SLC34A1: variants seen among roughly 807,000 people sequenced by gnomAD.
SLC34A1 encodes the protein sodium-dependent phosphate transport protein 2A.
SLC34A1 carries 57 observed loss-of-function variants against 51.4 expected under a neutral mutation model. The observed-to-expected ratio is 1.11, with a 90% confidence interval of 0.90 to 1.38. The LOEUF is 1.38. Ranked by LOEUF, SLC34A1 falls within the 40% of genes most tolerant of loss-of-function variation. The probability of loss-of-function intolerance (pLI) is 0.00; values close to 1 mark genes in which losing one functional copy is unlikely to be tolerated. For synonymous variants in SLC34A1, 368 were observed against 358.0 expected, an observed-to-expected ratio of 1.03 and a Z score of -0.32; for missense variants, 796 against 835.6, an observed-to-expected ratio of 0.95 and a Z score of 0.58.
chr5:177,387,512 C>T lies in SLC34A1; in HGVS notation c.533-250C>T, dbSNP rs189045855. Among the ~76,000 whole-genome samples, 100 of 152,358 alleles carry T rather than the reference C, an allele frequency of 6.6e-4. 1 individual carries two copies. The South Asian group carries it at 7.5e-3, about 11-fold the overall frequency. ...ACGAGCCCTCATAACGAAGGCCTCACACGCACACACGTTCACATCCATACA... is the reference window on the plus strand; with the variant it reads ...ACGAGCCCTCATAACGAAGGCCTCATACGCACACACGTTCACATCCATACA... On this transcript the variant is annotated intron_variant, in intron 5 of 12. Coordinates refer to ENST00000324417, the MANE Select transcript of SLC34A1 (RefSeq NM_003052.5).
At position 177,386,296 on chromosome 5, in the gene SLC34A1, A is replaced by G; in HGVS notation, c.335A>G (p.Tyr112Cys). ...LKVPLMLTFL[Y>C]LFVCSLDMLS... ...GTGCCACTGATGCTCACCTTCCTCT[A>G]CCTCTTCGTCTGCTCCCTGGACATG... Residue 112 changes from tyrosine (Y) to cysteine (C), a missense_variant, in exon 4 of 13, where the codon TAC (tyrosine) becomes TGC (cysteine). Tyr to Cys is a radical substitution (Grantham distance 194, BLOSUM62 -2). Transcript: ENST00000324417. This position sits in a 1 kb window ranked among gnomAD's most constrained non-coding sequence, Gnocchi z 4.8. 1 of 1,613,682 alleles carries G rather than the reference A, an allele frequency of 6.2e-7. No individual in the cohort carries two copies. Among genetic ancestry groups the G allele is most frequent in the Non-Finnish European group, 8.5e-7 (1 of 1,179,888 alleles).
At position 177,398,293 on chromosome 5, in the gene SLC34A1, G is replaced by A. The variant is rs766163401; in HGVS notation, c.*7G>A. 6.9e-6 allele frequency: 11 copies of A among 1,599,340 alleles called. No individual in the cohort carries two copies. The highest frequency in any genetic ancestry group is 5.0e-5 in the Admixed American group (3 of 60,022). ...CAATGCCACCCGCCTCTAGGCTGTG[G>A]GCCCAGACTACAGCCTGGAATGGGG... is the stretch of plus-strand genomic sequence containing the variant. On this transcript the variant is annotated 3_prime_UTR_variant, in exon 13 of 13. Coordinates refer to ENST00000324417, the MANE Select transcript of SLC34A1 (RefSeq NM_003052.5). The surrounding 1 kb of genome is among the most constrained non-coding windows in gnomAD (Gnocchi z 4.7).
chr5:177,386,149 T>C lies in SLC34A1; in HGVS notation c.259+13T>C, dbSNP rs1405643897. ...GAGCAGAAGCCAGGTGGGCCTGGGC[T>C]GGGGGTGGCAGAGGCGGCAGCAGTC... On this transcript the variant is annotated intron_variant, in intron 3 of 12. Coordinates refer to ENST00000324417, the MANE Select transcript of SLC34A1 (RefSeq NM_003052.5). This position sits in a 1 kb window ranked among gnomAD's most constrained non-coding sequence, Gnocchi z 4.8. 1.5e-5 allele frequency: 24 copies of C among 1,613,820 alleles called. No homozygotes were observed. Among genetic ancestry groups the C allele is most frequent in the Non-Finnish European group, 1.9e-5 (23 of 1,179,878 alleles).
At position 177,386,514 on chromosome 5, in the gene SLC34A1, G is replaced by A; in HGVS notation, c.480G>A (p.Val160=). The A allele has an allele frequency of 6.2e-7, 1 of 1,614,202 alleles. No individual in the cohort carries two copies. The highest frequency in any genetic ancestry group is 8.5e-7 in the Non-Finnish European group (1 of 1,180,028). The change falls in exon 5 of 13, where the codon GTG becomes GTA. Residue 160 remains valine, a synonymous_variant. Transcript: ENST00000324417. The surrounding 1 kb of genome is among the most constrained non-coding windows in gnomAD (Gnocchi z 4.8). The part of the protein sequence containing the change: ...LVVGILVTVL[V]QSSSTSTSII... ...TGGGGATCCTGGTGACCGTGCTGGT[G>A]CAGAGCTCCAGCACCTCCACATCCA...
Position 177,394,162 on chromosome 5 carries a change from G to A in SLC34A1, c.1141G>A (p.Val381Met), listed in dbSNP as rs566144365. The A allele has an allele frequency of 2.5e-6, 4 of 1,614,070 alleles. No individual in the cohort carries two copies. Among genetic ancestry groups the A allele is most frequent in the South Asian group, 1.1e-5 (1 of 91,088 alleles). Residue 381 changes from valine (V) to methionine (M), a missense_variant, in exon 10 of 13, where the codon GTG becomes ATG. By Grantham distance (21) the Val-to-Met change is conservative (BLOSUM62 1). Coordinates refer to ENST00000324417, the MANE Select transcript of SLC34A1 (RefSeq NM_003052.5). Reference protein sequence around the residue: ...KMLNSLLKGQVAKVIQKVINT... With the variant: ...KMLNSLLKGQMAKVIQKVINT... ...GCTCAACTCCCTGCTCAAGGGCCAA[G>A]TGGCCAAGGTCATCCAGAAGGTCAT...
chr5:177,385,936 C>T, intron 2 of SLC34A1, 51 bp from the exon 3 acceptor site: 1 of 1,610,310 alleles, frequency 6.2e-7, no homozygotes, highest in South Asian at 1.1e-5. Context: ...CTGTTCCTCC[C>T]CGCCTCCCCA....
intron 8 of SLC34A1, among the ~76,000 whole-genome samples, chr5:177,389,470 G>A (rs1338457305): frequency 6.6e-6 from 1 of 151,826 alleles, no homozygotes; most frequent in African/African-American, 2.4e-5. Flanking sequence ...ATCTGAAGTT[G>A]CTCCAGCTCA....
chr5:177,398,370 T>A lies in SLC34A1; in HGVS notation c.*84T>A. ...GGGAGGGTGTGTGTAGGTATGTGCA[T>A]GTGCCTGTGCCACCCTGGGTGCCAG... On this transcript the variant is annotated 3_prime_UTR_variant, in exon 13 of 13. Transcript: ENST00000324417. The surrounding 1 kb of genome is among the most constrained non-coding windows in gnomAD (Gnocchi z 4.7). 6.7e-7 allele frequency: 1 copy of A among 1,489,868 alleles called. No individual in the cohort carries two copies. The highest frequency in any genetic ancestry group is 9.2e-7 in the Non-Finnish European group (1 of 1,082,336). The allele number at this position is 1,489,868 out of a possible 1,614,324, so 92.3% of individuals were successfully genotyped here.
chr5:177,394,081 C>A lies in SLC34A1; in HGVS notation c.1060C>A (p.Leu354Met). The change falls in exon 10 of 13, where the codon CTG (leucine) becomes ATG (methionine). Residue 354 changes from leucine to methionine, a missense_variant. Physicochemically the swap from Leu to Met is conservative, Grantham distance 15. Transcript: ENST00000324417. ...ACCGGACCTGGCTGTGGGGCTCATC[C>A]TGCTGGCAGGATCCCTGGTGCTGCT... is the stretch of plus-strand genomic sequence containing the variant. ...GLPDLAVGLI[L>M]LAGSLVLLCT... The A allele has an allele frequency of 6.2e-7, 1 of 1,614,070 alleles. No individual in the cohort carries two copies. The highest frequency in any genetic ancestry group is 8.5e-7 in the Non-Finnish European group (1 of 1,180,026).
intron 8 of SLC34A1, among the ~76,000 whole-genome samples, 160 bp from the exon 9 acceptor site, chr5:177,393,534 C>G (rs1268663863): frequency 6.6e-6 from 1 of 152,148 alleles, no homozygotes; most frequent in African/African-American, 2.4e-5. Context: ...TCCACATGTC[C>G]TCAGTGGAAG....
In SLC34A1 at chr5:177,387,832, C is replaced by G; in HGVS notation, c.603C>G (p.Ile201Met). ...SNIGTSVTNT[I>M]VALMQAGDRT... ...TCGGCACCTCTGTCACCAACACCATCGTGGCCCTGATGCAGGCGGGGGACA... is the reference window on the plus strand; with the variant it reads ...TCGGCACCTCTGTCACCAACACCATGGTGGCCCTGATGCAGGCGGGGGACA... Residue 201 changes from isoleucine to methionine, a missense_variant, in exon 6 of 13, where the codon ATC becomes ATG. Coordinates refer to ENST00000324417, the MANE Select transcript of SLC34A1 (RefSeq NM_003052.5). 1 of 1,541,222 alleles carries G rather than the reference C, an allele frequency of 6.5e-7. No individual in the cohort carries two copies. The highest frequency in any genetic ancestry group is 8.8e-7 in the Non-Finnish European group (1 of 1,138,278).
At chr5:177,393,650 G>A (rs1319559472) in intron 8 of SLC34A1, 44 bp from the exon 9 acceptor site, 1 of 1,596,952 alleles carries the variant, frequency 6.3e-7, no homozygotes, top group Admixed American at 1.7e-5. Context: ...CCAACCTCAG[G>A]CTGTGTTTTC....
intron 8 of SLC34A1, among the ~76,000 whole-genome samples, chr5:177,389,299 T>C (rs1483402619): frequency 2.0e-5 from 3 of 152,126 alleles, no homozygotes; most frequent in Non-Finnish European, 2.9e-5. Flanking sequence ...CCATTTACAA[T>C]GAGATACGAG....
chr5:177,387,140 G>T (rs1220348894), intron 5 of SLC34A1, among the ~76,000 whole-genome samples: 2 of 151,880 alleles, frequency 1.3e-5, no homozygotes, highest in South Asian at 4.2e-4. Context: ...GGAGGCTGAG[G>T]GGGGCAGATC....
chr5:177,398,704 A>C lies in SLC34A1; in HGVS notation c.*418A>C. ...TAGATGTTGGTGCCTGCGTTACTGA[A>C]TTTGCACACCTCCTTGCCACCTTCC... On this transcript the variant is annotated 3_prime_UTR_variant, in exon 13 of 13. Coordinates refer to ENST00000324417, the MANE Select transcript of SLC34A1 (RefSeq NM_003052.5). The surrounding 1 kb of genome is among the most constrained non-coding windows in gnomAD (Gnocchi z 4.7). 1 of 219,876 alleles carries C rather than the reference A, an allele frequency of 4.5e-6. No homozygotes were observed. Among genetic ancestry groups the C allele is most frequent in the Non-Finnish European group, 9.3e-6 (1 of 107,636 alleles). The allele number at this position is 219,876 out of a possible 1,614,324, so 13.6% of individuals were successfully genotyped here.
At position 177,397,840 on chromosome 5, in the gene SLC34A1, C is replaced by T. The variant is rs779218538; in HGVS notation, c.1474C>T (p.Pro492Ser). 1.2e-6 allele frequency: 2 copies of T among 1,613,472 alleles called. No homozygotes were observed. The highest frequency in any genetic ancestry group is 1.7e-6 in the Non-Finnish European group (2 of 1,179,980). ...GGGTATCCTTCTGTGGTACCCGGTGCCCTGCACACGCCTGCCCATCCGCAT... is the reference window on the plus strand; with the variant it reads ...GGGTATCCTTCTGTGGTACCCGGTGTCCTGCACACGCCTGCCCATCCGCAT... ...ISGILLWYPVPCTRLPIRMAK... is the reference protein window; with the variant it reads ...ISGILLWYPVSCTRLPIRMAK... The change falls in exon 13 of 13, where the codon CCC becomes TCC. Residue 492 changes from proline (P) to serine (S), a missense_variant. By Grantham distance (74) the Pro-to-Ser change is moderately conservative. Transcript: ENST00000324417.
At chr5:177,387,003 A>G (rs931647517) in intron 5 of SLC34A1, among the ~76,000 whole-genome samples, 34 of 151,956 alleles carry the variant, frequency 2.2e-4, no homozygotes, top group African/African-American at 7.3e-4. Flanking sequence ...TCTACAAAAC[A>G]CCTTACAGAA....
chr5:177,391,779 A>G (rs1581643116), intron 8 of SLC34A1, among the ~76,000 whole-genome samples: 1 of 152,340 alleles, frequency 6.6e-6, no homozygotes, highest in South Asian at 2.1e-4. Context: ...CCCTGTGATG[A>G]GCGCTTTAAA....
At chr5:177,389,655 G>C in intron 8 of SLC34A1, 1 of 1,537,260 alleles carries the variant, frequency 6.5e-7, no homozygotes. Flanking sequence ...CTGGAAGGGA[G>C]AGAAATCACA....
Sources: allele counts gnomAD v4.1 joint callset (sites outside exome capture counted in the v4.1 genomes callset), GRCh38; gene constraint gnomAD v4.1.1; non-coding constraint Gnocchi (gnomAD v3.1); transcripts MANE v1.5; gene names NCBI Gene and HGNC (gene_info 2026-07-23, HGNC 2026-07-21).